Variants in PCNX4 observed in about 807,000 individuals in gnomAD.
PCNX4 encodes pecanex-like protein 4.
A neutral mutation model predicts 107.2 loss-of-function variants in PCNX4; 103 were observed. That is an observed-to-expected ratio of 0.96 (90% CI 0.82 to 1.13). PCNX4 has a LOEUF of 1.13. Ranked by LOEUF, PCNX4 falls within the 50% of genes most tolerant of loss-of-function variation. The probability of loss-of-function intolerance (pLI) is 0.00; values close to 1 mark genes in which losing one functional copy is unlikely to be tolerated. For missense variants in PCNX4, 1,528 were observed against 1,379.4 expected (o/e 1.11, Z -1.71); for synonymous variants, 541 against 481.7 (o/e 1.12, Z -1.61).
At chr14:60,098,775 C>G (rs1215170862) in intron 1 of PCNX4, among the ~76,000 whole-genome samples, 7 of 151,944 alleles carry the variant, frequency 4.6e-5, no homozygotes, top group Admixed American at 4.6e-4. Flanking sequence ...CCCTTCTCTG[C>G]TCAAAATACA....
chr14:60,131,378 T>A (rs1443947647), intron 10 of PCNX4, among the ~76,000 whole-genome samples: 3 of 152,170 alleles, frequency 2.0e-5, no homozygotes, highest in Non-Finnish European at 4.4e-5. Context: ...TTGCAAGATA[T>A]AAGATCAACA....
At position 60,139,969 on chromosome 14, in the gene PCNX4, A is replaced by G. The variant is rs1896288224; in HGVS notation, c.*5748A>G. 2 of 152,108 alleles carry G rather than the reference A, an allele frequency of 1.3e-5. No homozygotes were observed. 9.4% of individuals were successfully genotyped at this position (152,108 alleles called of 1,614,324 possible). ...ACGCACATTAAAAAAAAAAGATTGA[A>G]AATGAACCTAGTAGTTAAAATATTC... On this transcript the variant is annotated 3_prime_UTR_variant, in exon 11 of 11. Transcript: ENST00000406854.
intron 2 of PCNX4, among the ~76,000 whole-genome samples, chr14:60,112,241 C>A (rs917873989): frequency 6.6e-6 from 1 of 152,150 alleles, no homozygotes; most frequent in African/African-American, 2.4e-5. Flanking sequence ...ACATTTATAT[C>A]ATCTTAGCCA....
At chr14:60,101,144 T>G (rs931351953) in intron 1 of PCNX4, among the ~76,000 whole-genome samples, 2 of 152,210 alleles carry the variant, frequency 1.3e-5, no homozygotes, top group Admixed American at 6.5e-5. Flanking sequence ...AATGTTTAAA[T>G]TTACCTATAG....
intron 2 of PCNX4, 119 bp from the exon 3 acceptor site, chr14:60,114,581 T>C: frequency 1.4e-6 from 1 of 716,430 alleles, no homozygotes; most frequent in Non-Finnish European, 2.2e-6. Flanking sequence ...TTCTGTGGTG[T>C]GTGTGTGTGG....
intron 10 of PCNX4, among the ~76,000 whole-genome samples, chr14:60,133,007 A>C (rs566752120): frequency 2.6e-5 from 4 of 152,072 alleles, no homozygotes; most frequent in Non-Finnish European, 4.4e-5. Context: ...GTAAAATGGT[A>C]CAGCCACTTT....
At chr14:60,127,936 AT>A (rs1896085204) in intron 10 of PCNX4, among the ~76,000 whole-genome samples, 1 of 152,218 alleles carries the variant, frequency 6.6e-6, no homozygotes, top group African/African-American at 2.4e-5. Flanking sequence ...GATAGAAATT[AT>A]AAAAAAGAAC....
chr14:60,106,293 C>G (rs932112331), intron 1 of PCNX4, among the ~76,000 whole-genome samples: 1 of 152,124 alleles, frequency 6.6e-6, no homozygotes, highest in Non-Finnish European at 1.5e-5. Context: ...TACACACTTC[C>G]TCCCTGTACT....
chr14:60,116,221 C>G (rs1895846152), intron 6 of PCNX4, among the ~76,000 whole-genome samples, 161 bp downstream of exon 6: 1 of 152,198 alleles, frequency 6.6e-6, no homozygotes, highest in African/African-American at 2.4e-5. Flanking sequence ...TCCCATTCCC[C>G]CTCTCCATCT....
intron 10 of PCNX4, among the ~76,000 whole-genome samples, chr14:60,127,732 G>T (rs774059722): frequency 2.0e-5 from 3 of 152,180 alleles, no homozygotes; most frequent in Non-Finnish European, 4.4e-5. Context: ...GCAAAGAAAT[G>T]GGAAAGTCTA....
chr14:60,136,119 A>C lies in PCNX4; in HGVS notation c.*1898A>C, dbSNP rs1415781938. The C allele has an allele frequency of 2.0e-5, 3 of 152,104 alleles. No individual in the cohort carries two copies. The highest frequency in any genetic ancestry group is 4.4e-5 in the Non-Finnish European group (3 of 68,028). 9.4% of individuals were successfully genotyped at this position (152,104 alleles called of 1,614,324 possible). ...GACTCTCCCAAATTAAAAAAAAAAAAAGTTTTTATTAAGGTCACTATTGAC... is the reference window on the plus strand; with the variant it reads ...GACTCTCCCAAATTAAAAAAAAAAACAGTTTTTATTAAGGTCACTATTGAC... On this transcript the variant is annotated 3_prime_UTR_variant, in exon 11 of 11. Transcript: ENST00000406854.
chr14:60,106,933 A>C (rs957953083), intron 1 of PCNX4, among the ~76,000 whole-genome samples: 1 of 152,210 alleles, frequency 6.6e-6, no homozygotes, highest in South Asian at 2.1e-4. Flanking sequence ...TTATACTTAG[A>C]TTTATATGGC....
At chr14:60,105,777 C>G (rs1895616867) in intron 1 of PCNX4, among the ~76,000 whole-genome samples, 1 of 152,150 alleles carries the variant, frequency 6.6e-6, no homozygotes, top group Non-Finnish European at 1.5e-5. Context: ...TATAAAATAT[C>G]TTTACTTTCC....
rs555873603 is a variant in PCNX4, at chr14:60,093,018, A to G, written c.-54+599A>G. ...GCAGTTAGGGCAAAGACTGCCCTTC[A>G]TGTTATTTGGTATCCACCGCCACTC... On this transcript the variant is annotated intron_variant, in intron 1 of 10. Transcript: ENST00000406854. Among the ~76,000 whole-genome samples, 6 of 152,272 alleles carry G rather than the reference A, an allele frequency of 3.9e-5. 1 individual carries two copies. The South Asian group carries it at 1.0e-3, about 26-fold the overall frequency.
intron 9 of PCNX4, 66 bp from the exon 10 acceptor site, chr14:60,125,571 A>T (rs1896039003): frequency 1.7e-6 from 2 of 1,176,762 alleles, no homozygotes; most frequent in South Asian, 2.3e-5. Context: ...GGTTTAACAA[A>T]ATCTATTTGA....
chr14:60,107,842 A>G lies in PCNX4; in HGVS notation c.204A>G (p.Lys68=). ...TTTTATACCAGTTAGGCATCCTGAA[A>G]GACTATTATACAGCAGCACTTTCAG... ...GTLLYQLGIL[K]DYYTAALSGG... is the part of the protein sequence containing the mutation. Residue 68 remains lysine, a synonymous_variant, in exon 2 of 11, where the codon AAA becomes AAG. Coordinates refer to ENST00000406854, the MANE Select transcript of PCNX4 (RefSeq NM_001330177.2). 1 of 1,612,866 alleles carries G rather than the reference A, an allele frequency of 6.2e-7. No individual in the cohort carries two copies. The highest frequency in any genetic ancestry group is 8.5e-7 in the Non-Finnish European group (1 of 1,179,860).
At position 60,114,756 on chromosome 14, in the gene PCNX4, T is replaced by G; in HGVS notation, c.746T>G (p.Phe249Cys). Residue 249 changes from phenylalanine (F) to cysteine (C), a missense_variant, in exon 3 of 11, where the codon TTT (phenylalanine) becomes TGT (cysteine). Coordinates refer to ENST00000406854, the MANE Select transcript of PCNX4 (RefSeq NM_001330177.2). Reference protein sequence around the residue: ...EHMNQILHILFVFLPFLWALG... With the variant: ...EHMNQILHILCVFLPFLWALG... ...ATGAATCAGATTTTACACATCTTGT[T>G]TGTATTTTTACCCTTTCTGTGGGCA... is the stretch of plus-strand genomic sequence containing the variant. The G allele has an allele frequency of 3.1e-6, 5 of 1,613,928 alleles. No homozygotes were observed. The highest frequency in any genetic ancestry group is 4.2e-6 in the Non-Finnish European group (5 of 1,179,850).
At position 60,146,330 on chromosome 14, in the gene PCNX4, G is replaced by A. The variant is rs1404127770; in HGVS notation, c.*12109G>A. On this transcript the variant is annotated 3_prime_UTR_variant, in exon 11 of 11. Coordinates refer to ENST00000406854, the MANE Select transcript of PCNX4 (RefSeq NM_001330177.2). This position sits in a 1 kb window ranked among gnomAD's most constrained non-coding sequence, Gnocchi z 4.9. ...ATCCTTCATATGGACATTTCTGGAA[G>A]TACTACTACAGTGGGACTGAAATTC... 6.6e-6 allele frequency: 1 copy of A among 151,988 alleles called. No individual in the cohort carries two copies. The highest frequency in any genetic ancestry group is 2.4e-5 in the African/African-American group (1 of 41,384). The allele number at this position is 151,988 out of a possible 1,614,324, so 9.4% of individuals were successfully genotyped here.
rs1333105412 is a variant in PCNX4, at chr14:60,139,261, A to G, written c.*5040A>G. 1.3e-5 allele frequency: 2 copies of G among 152,136 alleles called. No individual in the cohort carries two copies. The highest frequency in any genetic ancestry group is 4.8e-5 in the African/African-American group (2 of 41,472). 9.4% of individuals were successfully genotyped at this position (152,136 alleles called of 1,614,324 possible). A position where few individuals can be genotyped will look rare whatever the true frequency, so the allele number is the denominator to read the frequency against. ...GGAATACAAAGGTTTGAAGTAAACA[A>G]GAATGGAAAAATTATAATATGAAAT... On this transcript the variant is annotated 3_prime_UTR_variant, in exon 11 of 11. Transcript: ENST00000406854.
Sources: allele counts gnomAD v4.1 joint callset (sites outside exome capture counted in the v4.1 genomes callset), GRCh38; gene constraint gnomAD v4.1.1; non-coding constraint Gnocchi (gnomAD v3.1); transcripts MANE v1.5; gene names NCBI Gene and HGNC (gene_info 2026-07-23, HGNC 2026-07-21).